The following XPO6 variants were observed in gnomAD, a reference collection of about 807,000 sequenced individuals.
The protein encoded by XPO6 is exportin 6.
XPO6 carries 3 observed loss-of-function variants against 130.0 expected under a neutral mutation model. The observed-to-expected ratio is 0.02, with a 90% CI of 0.01 to 0.06. The LOEUF is 0.06. Among genes scored for constraint, XPO6 ranks in the 10% least tolerant of loss-of-function variants. The pLI, the probability that XPO6 is intolerant of heterozygous loss-of-function variation, is 1.00. For synonymous variants in XPO6, 524 were observed against 548.9 expected (o/e 0.95, Z 0.63); for missense variants, 970 against 1,393.0 (o/e 0.70, Z 4.83).
intron 1 of XPO6, among the ~76,000 whole-genome samples, chr16:28,194,952 C>T (rs543409138): frequency 6.6e-6 from 1 of 150,654 alleles, no homozygotes; most frequent in African/African-American, 2.4e-5. Flanking sequence ...TGTCTTCACA[C>T]ACACCATTTC....
At chr16:28,108,505 G>A (rs768043531) in intron 17 of XPO6, among the ~76,000 whole-genome samples, 34 of 152,202 alleles carry the variant, frequency 2.2e-4, no homozygotes, top group Admixed American at 7.2e-4. Context: ...CCCGAACGAT[G>A]CTAGCAGTGT....
At position 28,112,889 on chromosome 16, in the gene XPO6, G is replaced by C. The variant is rs199669480; in HGVS notation, c.2151+15C>G. ...ACACAGCCCTGGGGACCCCGGGGGAGCTCTGGGGCCTCACCTTATCGACAA... is the reference window on the plus strand; with the variant it reads ...ACACAGCCCTGGGGACCCCGGGGGACCTCTGGGGCCTCACCTTATCGACAA... On this transcript the variant is annotated intron_variant, in intron 16 of 23. Coordinates refer to ENST00000304658, the MANE Select transcript of XPO6 (RefSeq NM_015171.4). 1 of 1,610,168 alleles carries C rather than the reference G, an allele frequency of 6.2e-7. No homozygotes were observed. The highest frequency in any genetic ancestry group is 8.5e-7 in the Non-Finnish European group (1 of 1,177,366).
intron 17 of XPO6, among the ~76,000 whole-genome samples, chr16:28,109,301 CTT>C (rs77303555): frequency 2.7e-4 from 38 of 141,512 alleles, no homozygotes; most frequent in Non-Finnish European, 2.8e-4. Context: ...TTTTTCTTTT[CTT>C]TTTTTTTTTT....
At chr16:28,178,531 TC>T (rs2043566525) in intron 2 of XPO6, among the ~76,000 whole-genome samples, 3 of 151,886 alleles carry the variant, frequency 2.0e-5, no homozygotes, top group Non-Finnish European at 4.4e-5. Context: ...CCTCAAGTGA[TC>T]CTCCTGTCTC....
rs1309072032 is a variant in XPO6, at chr16:28,112,931, A to G, written c.2124T>C (p.Asp708=). Residue 708 remains aspartate, a synonymous_variant, in exon 16 of 24, where the codon GAT becomes GAC. Transcript: ENST00000304658. ...AVQKVFNRIT[D]ASALRLVDKA... is the part of the protein sequence containing the mutation. ...TATCGACAAGTCGCAGGGCAGAGGC[A>G]TCAGTGATTCTGTTGAATACTTTCT... 1 of 1,614,176 alleles carries G rather than the reference A, an allele frequency of 6.2e-7. No homozygotes were observed. Among genetic ancestry groups the G allele is most frequent in the East Asian group, 2.2e-5 (1 of 44,872 alleles).
Position 28,117,234 on chromosome 16 carries a change from T to C in XPO6, c.2004+84A>G, listed in dbSNP as rs2141257523. On this transcript the variant is annotated intron_variant, in intron 15 of 23. Coordinates refer to ENST00000304658, the MANE Select transcript of XPO6 (RefSeq NM_015171.4). Reference sequence around the variant, plus strand: ...TTTATGGGTCTAACTCTGTGTCATATTTAGATTTTCTAGTAAATGGGTATA... The same window carrying C: ...TTTATGGGTCTAACTCTGTGTCATACTTAGATTTTCTAGTAAATGGGTATA... The C allele has an allele frequency of 3.9e-6, 6 of 1,542,836 alleles. No homozygotes were observed. In the East Asian group the frequency reaches 6.8e-5, roughly 17 times the overall value.
chr16:28,152,576 T>C (rs542640107), intron 8 of XPO6, 83 bp downstream of exon 8: 10 of 1,498,280 alleles, frequency 6.7e-6, no homozygotes, highest in Admixed American at 4.5e-5. Context: ...GAAAATAAAG[T>C]TGAAAGAAAA....
At chr16:28,211,226 C>T in intron 1 of XPO6, 140 bp downstream of exon 1, 3 of 842,500 alleles carry the variant, frequency 3.6e-6, no homozygotes, top group Non-Finnish European at 4.9e-6. Flanking sequence ...GCACACTCTG[C>T]ACGCATGTGT....
At chr16:28,131,427 G>A (rs376223764) in intron 12 of XPO6, among the ~76,000 whole-genome samples, 24 of 152,210 alleles carry the variant, frequency 1.6e-4, no homozygotes, top group East Asian at 3.8e-4. Context: ...CACCAGAGCC[G>A]GGACAGATCC....
rs115208909 is a variant in XPO6, at chr16:28,188,880, C to T, written c.4-7849G>A. Among the ~76,000 whole-genome samples the T allele has an allele frequency of 9.8e-3, 1,496 of 152,164 alleles. 29 individuals carry two copies. The highest frequency in any genetic ancestry group is 0.034 in the African/African-American group (1,422 of 41,486). ...ATCAAGGAAGCCCCAGTCAGGAGAA[C>T]GACATTCAGAACAATGCTTCCTCCC... On this transcript the variant is annotated intron_variant, in intron 1 of 23. Transcript: ENST00000304658.
At chr16:28,201,680 C>T (rs2043955590) in intron 1 of XPO6, among the ~76,000 whole-genome samples, 1 of 152,020 alleles carries the variant, frequency 6.6e-6, no homozygotes, top group Admixed American at 6.6e-5. Context: ...CACGGTGAAA[C>T]CCCATCTCTA....
intron 1 of XPO6, among the ~76,000 whole-genome samples, chr16:28,199,447 GTATT>G (rs964019315): frequency 6.6e-6 from 1 of 151,714 alleles, no homozygotes; most frequent in Admixed American, 6.6e-5. Context: ...GCTAATTTTT[GTATT>G]TTTTTAAGTA....
chr16:28,124,874 A>G (rs1406013133), intron 13 of XPO6, among the ~76,000 whole-genome samples: 4 of 152,196 alleles, frequency 2.6e-5, no homozygotes, highest in Non-Finnish European at 5.9e-5. Flanking sequence ...GCACGTCACC[A>G]GTGATGCGGC....
chr16:28,159,209 T>A (rs753139808), intron 6 of XPO6, among the ~76,000 whole-genome samples: 2 of 151,604 alleles, frequency 1.3e-5, no homozygotes, highest in African/African-American at 2.4e-5. Flanking sequence ...CCAGCCTGGG[T>A]GACAGAGCAA....
intron 1 of XPO6, among the ~76,000 whole-genome samples, chr16:28,198,052 A>T (rs933187827): frequency 6.6e-6 from 1 of 151,522 alleles, no homozygotes; most frequent in South Asian, 2.1e-4. Context: ...ATACATACAA[A>T]GGTTTTCGCA....
At chr16:28,139,041 ACT>A (rs1217699761) in intron 9 of XPO6, among the ~76,000 whole-genome samples, 3 of 151,974 alleles carry the variant, frequency 2.0e-5, no homozygotes, top group Non-Finnish European at 4.4e-5. Context: ...GAATTGTGCG[ACT>A]CTTCCCCCAA....
At chr16:28,193,017 T>C (rs1265769043) in intron 1 of XPO6, among the ~76,000 whole-genome samples, 1 of 152,112 alleles carries the variant, frequency 6.6e-6, no homozygotes, top group Non-Finnish European at 1.5e-5. Context: ...TTCATCTGTA[T>C]TGGCTGATAC....
intron 1 of XPO6, among the ~76,000 whole-genome samples, chr16:28,206,584 A>G (rs892767885): frequency 2.0e-5 from 3 of 152,100 alleles, no homozygotes; most frequent in African/African-American, 4.8e-5. Flanking sequence ...ATAAAAACCA[A>G]TAACAAAAAC....
intron 8 of XPO6, among the ~76,000 whole-genome samples, chr16:28,148,852 G>C (rs2043031003): frequency 6.6e-6 from 1 of 151,936 alleles, no homozygotes; most frequent in African/African-American, 2.4e-5. Context: ...GACCAGCCTG[G>C]TCAACACGGT....
Sources: allele counts gnomAD v4.1 joint callset (sites outside exome capture counted in the v4.1 genomes callset), GRCh38; gene constraint gnomAD v4.1.1; transcripts MANE v1.5; gene names NCBI Gene and HGNC (gene_info 2026-07-23, HGNC 2026-07-21).